Variants in BICRAL observed in about 807,000 individuals in gnomAD.
The protein encoded by BICRAL is BICRA like chromatin remodeling complex associated protein, also known as BRD4-interacting chromatin-remodeling complex-associated protein-like.
Under a neutral mutation model 91.8 loss-of-function variants are expected in BICRAL, and 8 were observed. The observed-to-expected ratio is 0.09, with a 90% CI of 0.05 to 0.16. BICRAL has a LOEUF of 0.16. Among genes scored for constraint, BICRAL ranks in the 10% least tolerant of loss-of-function variants. The pLI is 1.00. For synonymous variants in BICRAL, 445 were observed against 491.1 expected (o/e 0.91, Z 1.24); for missense variants, 1,038 against 1,310.9 (o/e 0.79, Z 3.21).
chr6:42,797,032 G>A (rs1029067), intron 1 of BICRAL, among the ~76,000 whole-genome samples: 9 of 132,652 alleles, frequency 6.8e-5, no homozygotes, highest in Admixed American at 3.5e-4. Context: ...CAACAAGAGC[G>A]AAACTCTGTC....
intron 1 of BICRAL, among the ~76,000 whole-genome samples, chr6:42,761,887 C>T (rs949755459): frequency 5.9e-5 from 9 of 151,842 alleles, no homozygotes; most frequent in African/African-American, 1.9e-4. Context: ...GCACTCTATC[C>T]TGGGTGACCT....
In BICRAL at chr6:42,849,292, C is replaced by T. The variant is rs559828054; in HGVS notation, c.1840-2800C>T. On this transcript the variant is annotated intron_variant, in intron 6 of 12. Coordinates refer to ENST00000314073, the MANE Select transcript of BICRAL (RefSeq NM_001393499.1). ...GTAGAGATGAGGTCTCCCTGTGTTGCCCAGACTGATCTCAATTTCCTGGGC... is the reference window on the plus strand; with the variant it reads ...GTAGAGATGAGGTCTCCCTGTGTTGTCCAGACTGATCTCAATTTCCTGGGC... Among the ~76,000 whole-genome samples, 534 of 152,176 alleles carry T rather than the reference C, an allele frequency of 3.5e-3. 4 individuals are homozygous for T. The highest frequency in any genetic ancestry group is 0.012 in the African/African-American group (504 of 41,540).
In BICRAL at chr6:42,829,853, C is replaced by T; in HGVS notation, c.1520C>T (p.Thr507Ile). ...ATGCCCTTGCAGCAGGCATCCCCAACTGTATTACACCTGTCACCTGGGCAG... is the reference window on the plus strand; with the variant it reads ...ATGCCCTTGCAGCAGGCATCCCCAATTGTATTACACCTGTCACCTGGGCAG... ...GQMPLQQASP[T>I]VLHLSPGQSS... The change falls in exon 6 of 13, where the codon ACT becomes ATT. Residue 507 changes from threonine (T) to isoleucine (I), a missense_variant. Transcript: ENST00000314073. 1 of 1,614,208 alleles carries T rather than the reference C, an allele frequency of 6.2e-7. No homozygotes were observed. Among genetic ancestry groups the T allele is most frequent in the Non-Finnish European group, 8.5e-7 (1 of 1,180,026 alleles).
At chr6:42,789,201 C>T (rs1468596335) in intron 1 of BICRAL, among the ~76,000 whole-genome samples, 1 of 152,124 alleles carries the variant, frequency 6.6e-6, no homozygotes, top group Non-Finnish European at 1.5e-5. Flanking sequence ...CTCTTGGTTT[C>T]ACAGCAATGT....
intron 1 of BICRAL, among the ~76,000 whole-genome samples, chr6:42,799,967 G>A (rs1182942946): frequency 1.3e-5 from 2 of 151,980 alleles, no homozygotes; most frequent in Non-Finnish European, 2.9e-5. Flanking sequence ...TGCAACCTCC[G>A]CCCCCAGGTT....
chr6:42,864,298 C>T (rs748141131), intron 12 of BICRAL, among the ~76,000 whole-genome samples: 5 of 152,146 alleles, frequency 3.3e-5, no homozygotes, highest in Non-Finnish European at 7.3e-5. Flanking sequence ...CAAGATCGTA[C>T]CACTGCACTC....
chr6:42,794,312 A>G (rs1176212302), intron 1 of BICRAL, among the ~76,000 whole-genome samples: 1 of 152,146 alleles, frequency 6.6e-6, no homozygotes, highest in South Asian at 2.1e-4. Context: ...CATTTGGGTA[A>G]CCATGTTGTT....
chr6:42,774,471 G>A (rs1427253308), intron 1 of BICRAL, among the ~76,000 whole-genome samples: 2 of 152,150 alleles, frequency 1.3e-5, no homozygotes, highest in Admixed American at 6.5e-5. Flanking sequence ...GGCCGCGTGC[G>A]AAATATCCTT....
At chr6:42,755,425 A>C (rs1226273764) in intron 1 of BICRAL, among the ~76,000 whole-genome samples, 2 of 151,524 alleles carry the variant, frequency 1.3e-5, no homozygotes, top group African/African-American at 4.9e-5. Context: ...TTCCTATAAA[A>C]CTCTTTAGAA....
At chr6:42,754,978 A>G (rs906686379) in intron 1 of BICRAL, among the ~76,000 whole-genome samples, 1 of 152,224 alleles carries the variant, frequency 6.6e-6, no homozygotes. Context: ...TTCTTTATAG[A>G]AAAGGAAAAG....
chr6:42,836,575 G>T (rs1408217806), intron 6 of BICRAL, among the ~76,000 whole-genome samples: 1 of 151,380 alleles, frequency 6.6e-6, no homozygotes, highest in Admixed American at 6.6e-5. Flanking sequence ...TTAAATTCCC[G>T]GGACACCCAG....
In BICRAL at chr6:42,866,331, C is replaced by T. The variant is rs1221730337; in HGVS notation, c.*885C>T. 6.1e-6 allele frequency: 1 copy of T among 164,544 alleles called. No homozygotes were observed. The highest frequency in any genetic ancestry group is 2.4e-5 in the African/African-American group (1 of 41,520). The allele number at this position is 164,544 out of a possible 1,614,324, so 10.2% of individuals were successfully genotyped here. The stretch of plus-strand genomic sequence containing the variant: ...ATATTAATATGTATATATGTAAAAG[C>T]ATATATATGTTAACTATTGAGAAAA... On this transcript the variant is annotated 3_prime_UTR_variant, in exon 13 of 13. Coordinates refer to ENST00000314073, the MANE Select transcript of BICRAL (RefSeq NM_001393499.1).
intron 6 of BICRAL, among the ~76,000 whole-genome samples, chr6:42,841,747 A>T (rs1764805179): frequency 6.6e-6 from 1 of 152,212 alleles, no homozygotes; most frequent in East Asian, 1.9e-4. Flanking sequence ...ACTAACGAGG[A>T]CAGTGCTGGG....
intron 1 of BICRAL, among the ~76,000 whole-genome samples, chr6:42,756,855 C>T (rs1317320268): frequency 6.6e-6 from 1 of 150,804 alleles, no homozygotes; most frequent in Non-Finnish European, 1.5e-5. Flanking sequence ...CACATGCTTG[C>T]GCTGTCTCTC....
chr6:42,805,918 C>A (rs757484592), intron 1 of BICRAL, among the ~76,000 whole-genome samples: 1 of 151,686 alleles, frequency 6.6e-6, no homozygotes, highest in African/African-American at 2.4e-5. Flanking sequence ...AGGAGAATGG[C>A]GTGAACCCAG....
chr6:42,829,310 A>G lies in BICRAL; in HGVS notation c.977A>G (p.Tyr326Cys). The change falls in exon 6 of 13, where the codon TAC becomes TGC. Residue 326 changes from tyrosine (Y) to cysteine (C), a missense_variant. Coordinates refer to ENST00000314073, the MANE Select transcript of BICRAL (RefSeq NM_001393499.1). ...KPIQMGQQNTYNVNNLGIQQH... is the reference protein window; with the variant it reads ...KPIQMGQQNTCNVNNLGIQQH... Reference sequence around the variant, plus strand: ...ATCCAGATGGGTCAGCAAAATACATACAATGTGAACAATTTGGGAATTCAG... The same window carrying G: ...ATCCAGATGGGTCAGCAAAATACATGCAATGTGAACAATTTGGGAATTCAG... 6.2e-7 allele frequency: 1 copy of G among 1,614,256 alleles called. No individual in the cohort carries two copies. Among genetic ancestry groups the G allele is most frequent in the Non-Finnish European group, 8.5e-7 (1 of 1,180,058 alleles).
chr6:42,840,647 T>G (rs1764766588), intron 6 of BICRAL, among the ~76,000 whole-genome samples: 1 of 152,080 alleles, frequency 6.6e-6, no homozygotes, highest in African/African-American at 2.4e-5. Flanking sequence ...GCAATTCTCC[T>G]GCCTCAGCAC....
chr6:42,842,804 C>T (rs1400785805), intron 6 of BICRAL, among the ~76,000 whole-genome samples: 1 of 152,030 alleles, frequency 6.6e-6, no homozygotes, highest in South Asian at 2.1e-4. Context: ...CAGCCCCAGA[C>T]ATATAACAAT....
chr6:42,801,679 C>T (rs1044921463), intron 1 of BICRAL, among the ~76,000 whole-genome samples: 1 of 151,420 alleles, frequency 6.6e-6, no homozygotes, highest in South Asian at 2.1e-4. Flanking sequence ...GTCAGGAGTT[C>T]GATACCAGCC....
Sources: allele counts gnomAD v4.1 joint callset (sites outside exome capture counted in the v4.1 genomes callset), GRCh38; gene constraint gnomAD v4.1.1; transcripts MANE v1.5; gene names NCBI Gene and HGNC (gene_info 2026-07-23, HGNC 2026-07-21).